TENM2: variants seen among roughly 807,000 people sequenced by gnomAD.
TENM2 encodes the protein teneurin-2.
In TENM2, 52 loss-of-function variants were observed where a neutral mutation model predicts 245.2. The observed-to-expected ratio is 0.21, with a 90% CI of 0.17 to 0.27. The LOEUF (loss-of-function observed/expected upper bound fraction) is 0.27. Ranked by LOEUF, TENM2 falls within the 10% of genes least tolerant of loss-of-function variation. The pLI, the probability that TENM2 is intolerant of heterozygous loss-of-function variation, is 1.00. For missense variants in TENM2, 3,046 were observed against 3,666.8 expected (o/e 0.83, Z 4.37); for synonymous variants, 1,363 against 1,438.9 (o/e 0.95, Z 1.19).
chr5:168,056,087 G>A (rs1030439792), intron 6 of TENM2, among the ~76,000 whole-genome samples: 8 of 152,170 alleles, frequency 5.3e-5, no homozygotes, highest in Non-Finnish European at 8.8e-5. Context: ...GGAACAGCTG[G>A]CATGGCTCAG....
intron 2 of TENM2, among the ~76,000 whole-genome samples, chr5:167,797,296 C>T (rs1765389966): frequency 6.6e-6 from 1 of 152,122 alleles, no homozygotes; most frequent in African/African-American, 2.4e-5. Flanking sequence ...CCTCCTTTTT[C>T]TTTTGGCATC....
At chr5:167,144,563 C>T in the TENM2 span, among the ~76,000 whole-genome samples, 3 of 152,002 alleles carry the variant, frequency 2.0e-5, no homozygotes, top group South Asian at 2.1e-4. Context: ...ACGTTTTGCC[C>T]AACACTTGAC....
intron 3 of TENM2, among the ~76,000 whole-genome samples, chr5:167,891,637 C>T (rs1259134065): frequency 1.3e-5 from 2 of 152,092 alleles, no homozygotes; most frequent in Non-Finnish European, 2.9e-5. Flanking sequence ...ATGTTTGACA[C>T]GGGAGTATAC....
intron 2 of TENM2, among the ~76,000 whole-genome samples, chr5:167,540,705 G>A (rs1353851159): frequency 6.6e-6 from 1 of 152,188 alleles, no homozygotes; most frequent in Non-Finnish European, 1.5e-5. Context: ...GTCAGGTAGA[G>A]CCATATCAGT....
At chr5:168,116,755 C>G (rs1334423157) in intron 9 of TENM2, among the ~76,000 whole-genome samples, 1 of 152,232 alleles carries the variant, frequency 6.6e-6, no homozygotes, top group South Asian at 2.1e-4. Flanking sequence ...AACATGACAA[C>G]AAAAGGGGAT....
intron 4 of TENM2, among the ~76,000 whole-genome samples, chr5:167,976,979 T>C (rs1460175132): frequency 6.6e-6 from 1 of 152,214 alleles, no homozygotes; most frequent in African/African-American, 2.4e-5. Context: ...CATGGAATAC[T>C]ATGCAGCCAT....
intron 4 of TENM2, among the ~76,000 whole-genome samples, chr5:167,980,421 G>A (rs1162756310): frequency 6.6e-6 from 1 of 152,132 alleles, no homozygotes; most frequent in Non-Finnish European, 1.5e-5. Context: ...GCAATGAGAA[G>A]ACAGAAAGAG....
At chr5:167,878,738 G>T (rs1050922440) in intron 3 of TENM2, among the ~76,000 whole-genome samples, 1 of 152,172 alleles carries the variant, frequency 6.6e-6, no homozygotes, top group Non-Finnish European at 1.5e-5. Context: ...AAAGTGCAGA[G>T]CTATGTCTGA....
At chr5:167,128,163 G>A in the TENM2 span, among the ~76,000 whole-genome samples, 3 of 152,146 alleles carry the variant, frequency 2.0e-5, no homozygotes, top group South Asian at 6.2e-4. Flanking sequence ...TTGCTTTGAG[G>A]AGTGAATGAA....
chr5:168,128,161 G>T (rs11951377), intron 12 of TENM2, among the ~76,000 whole-genome samples: 1 of 152,116 alleles, frequency 6.6e-6, no homozygotes, highest in South Asian at 2.1e-4. Flanking sequence ...CCATAGCACT[G>T]GGACCCTGCT....
the TENM2 span, among the ~76,000 whole-genome samples, chr5:167,264,964 T>TA: frequency 6.6e-5 from 10 of 152,048 alleles, no homozygotes; most frequent in African/African-American, 2.2e-4. Flanking sequence ...AAGCAGCTCT[T>TA]ATGTGAGTCA....
intron 2 of TENM2, among the ~76,000 whole-genome samples, chr5:167,715,811 G>A (rs377685310): frequency 1.7e-4 from 26 of 152,252 alleles, no homozygotes; most frequent in Non-Finnish European, 2.4e-4. Context: ...TTCTGAATAC[G>A]AAATATATTC....
At chr5:167,760,894 G>A (rs932161156) in intron 2 of TENM2, among the ~76,000 whole-genome samples, 7 of 146,556 alleles carry the variant, frequency 4.8e-5, no homozygotes, top group East Asian at 5.3e-4. Context: ...CAGGTGATCC[G>A]CCCACCTTGG....
chr5:168,248,512 TAC>T, intron 27 of TENM2, 141 bp downstream of exon 29: 1 of 824,256 alleles, frequency 1.2e-6, no homozygotes, highest in Non-Finnish European at 1.9e-6. Flanking sequence ...TTGGCAGCAC[TAC>T]AGAGTCTAGA....
At chr5:167,360,761 A>T (rs1227333203) in intron 1 of TENM2, among the ~76,000 whole-genome samples, 2 of 152,164 alleles carry the variant, frequency 1.3e-5, no homozygotes, top group African/African-American at 4.8e-5. Context: ...CTATAGGCTT[A>T]TGAGGATAGG....
intron 2 of TENM2, among the ~76,000 whole-genome samples, chr5:167,632,015 C>A (rs1778909352): frequency 6.6e-6 from 1 of 152,106 alleles, no homozygotes; most frequent in African/African-American, 2.4e-5. Context: ...CAGCAAATAC[C>A]AAACTTCTTG....
chr5:167,497,280 G>A (rs979163634), intron 2 of TENM2, among the ~76,000 whole-genome samples: 1 of 152,004 alleles, frequency 6.6e-6, no homozygotes, highest in Non-Finnish European at 1.5e-5. Context: ...TTCCAATATA[G>A]AGCAACTTTT....
intron 2 of TENM2, among the ~76,000 whole-genome samples, chr5:167,472,831 C>T (rs138865320): frequency 6.6e-6 from 1 of 152,342 alleles, no homozygotes; most frequent in East Asian, 1.9e-4. Flanking sequence ...AGCATTCTTT[C>T]ATTCCACATG....
At chr5:167,521,400 A>T (rs2127582029) in intron 2 of TENM2, among the ~76,000 whole-genome samples, 1 of 152,286 alleles carries the variant, frequency 6.6e-6, no homozygotes, top group South Asian at 2.1e-4. Context: ...ATTAGGGCAT[A>T]TCCATTGACT....
Sources: allele counts gnomAD v4.1 joint callset (sites outside exome capture counted in the v4.1 genomes callset), GRCh38; gene constraint gnomAD v4.1.1; transcripts MANE v1.5; gene names NCBI Gene and HGNC (gene_info 2026-07-23, HGNC 2026-07-21).